The following PRKCZ variants were observed in gnomAD, a reference collection of about 807,000 sequenced individuals.
The protein encoded by PRKCZ is protein kinase C zeta type.
Under a neutral mutation model 79.5 loss-of-function variants are expected in PRKCZ, and 33 were observed. That is an observed-to-expected ratio of 0.41 (90% confidence interval 0.31 to 0.55). PRKCZ has a LOEUF of 0.55. PRKCZ is among the 20% of genes least tolerant of loss of function. The pLI, the probability that PRKCZ is intolerant of heterozygous loss-of-function variation, is 0.19. For synonymous variants in PRKCZ, 342 were observed against 320.9 expected (o/e 1.07, Z -0.70); for missense variants, 578 against 813.5 (o/e 0.71, Z 3.52).
At position 2,172,272 on chromosome 1, in the gene PRKCZ, AC is replaced by A; in HGVS notation, c.1198-26del. 1.9e-6 allele frequency: 3 copies of A among 1,613,262 alleles called. No individual in the cohort carries two copies. The highest frequency in any genetic ancestry group is 2.5e-6 in the Non-Finnish European group (3 of 1,179,930). ...GTCCCGCGGGGTAGTGTCTACAAGA[AC>A]CCTCTCCCAGTAACTTTGCCCCCAC... On this transcript the variant is annotated intron_variant, in intron 12 of 17. Coordinates refer to ENST00000378567, the MANE Select transcript of PRKCZ (RefSeq NM_002744.6). The surrounding 1 kb of genome is among the most constrained non-coding windows in gnomAD (Gnocchi z 7.8).
At chr1:2,153,824 C>T (rs747039778) in intron 9 of PRKCZ, among the ~76,000 whole-genome samples, 2 of 152,210 alleles carry the variant, frequency 1.3e-5, no homozygotes, top group Non-Finnish European at 2.9e-5. Flanking sequence ...CTGGGGTTGT[C>T]TTTCGAGAAG....
chr1:2,052,066 G>T (rs1261184286), intron 1 of PRKCZ, among the ~76,000 whole-genome samples: 1 of 152,176 alleles, frequency 6.6e-6, no homozygotes, highest in Non-Finnish European at 1.5e-5. Context: ...TATTGGACTT[G>T]TCCAGGGACC....
intron 4 of PRKCZ, among the ~76,000 whole-genome samples, chr1:2,108,207 C>T (rs1425381698): frequency 2.6e-5 from 4 of 152,230 alleles, no homozygotes; most frequent in Admixed American, 1.3e-4. Flanking sequence ...TCCTTCTGGG[C>T]GCTGGTCCAA....
At chr1:2,089,775 C>T (rs981576390) in intron 4 of PRKCZ, among the ~76,000 whole-genome samples, 5 of 152,118 alleles carry the variant, frequency 3.3e-5, no homozygotes, top group African/African-American at 1.2e-4. Flanking sequence ...GCGGCTCACA[C>T]GGCAGAACTC....
At chr1:2,099,781 G>A (rs1182270743) in intron 4 of PRKCZ, among the ~76,000 whole-genome samples, 2 of 152,334 alleles carry the variant, frequency 1.3e-5, no homozygotes, top group South Asian at 4.1e-4. Flanking sequence ...GTGAGGCCTG[G>A]GTGTGACCTA....
intron 4 of PRKCZ, among the ~76,000 whole-genome samples, chr1:2,079,790 T>C (rs1663135959): frequency 6.6e-6 from 1 of 152,102 alleles, no homozygotes; most frequent in Non-Finnish European, 1.5e-5. Context: ...CCTTTGCGGC[T>C]TCCTGGGCCC....
chr1:2,090,704 C>T (rs1665344839), intron 4 of PRKCZ, among the ~76,000 whole-genome samples: 1 of 152,170 alleles, frequency 6.6e-6, no homozygotes, highest in Non-Finnish European at 1.5e-5. Flanking sequence ...TGGCACCTGG[C>T]GTGGGCGCCC....
At chr1:2,051,823 G>C (rs1211846685) in intron 1 of PRKCZ, among the ~76,000 whole-genome samples, 1 of 152,194 alleles carries the variant, frequency 6.6e-6, no homozygotes, top group Non-Finnish European at 1.5e-5. Context: ...CTTGGCCCCG[G>C]GTTTGTTGAG....
rs1017481197 is a variant in PRKCZ at position 2,140,498 on chromosome 1, C to A, written c.421-3712C>A. Among the ~76,000 whole-genome samples the A allele has an allele frequency of 2.6e-5, 4 of 151,088 alleles. No homozygotes were observed. The East Asian group carries it at 7.8e-4, about 30-fold the overall frequency. ...TGAAACACTGTCTCTACTAAAAATA[C>A]AACAAAAATTTAGCCAGGCGTGGTG... On this transcript the variant is annotated intron_variant, in intron 5 of 17. Transcript: ENST00000378567.
chr1:2,120,115 C>A (rs1340268589), intron 4 of PRKCZ, among the ~76,000 whole-genome samples: 1 of 152,052 alleles, frequency 6.6e-6, no homozygotes, highest in African/African-American at 2.4e-5. Context: ...CTCACTGCCA[C>A]CCCTGGAAGG....
chr1:2,142,917 C>CTG (rs1360659144), intron 5 of PRKCZ: 1 of 152,436 alleles, frequency 6.6e-6, no homozygotes, highest in Non-Finnish European at 1.5e-5. Flanking sequence ...CCCACATGTG[C>CTG]TGAGGGTCCC....
chr1:2,069,331 G>A (rs1033195828), intron 4 of PRKCZ, among the ~76,000 whole-genome samples: 6 of 152,220 alleles, frequency 3.9e-5, no homozygotes, highest in Non-Finnish European at 8.8e-5. Context: ...ACCCCCGTGA[G>A]TGGAGGCTGC....
intron 4 of PRKCZ, chr1:2,074,154 G>A: frequency 6.5e-7 from 1 of 1,546,622 alleles, no homozygotes; most frequent in South Asian, 1.2e-5. Flanking sequence ...CAATGTCAGG[G>A]GAAACGCAGT....
intron 16 of PRKCZ, among the ~76,000 whole-genome samples, chr1:2,176,518 G>A (rs1354387693): frequency 6.6e-6 from 1 of 152,246 alleles, no homozygotes; most frequent in Non-Finnish European, 1.5e-5. Context: ...GTTTCCAGCT[G>A]TGTAAATGGT....
chr1:2,058,983 T>G (rs896013901), intron 3 of PRKCZ, among the ~76,000 whole-genome samples: 9 of 151,928 alleles, frequency 5.9e-5, no homozygotes, highest in Non-Finnish European at 8.8e-5. Context: ...AAAGTAGAGA[T>G]GGGGTTTCGT....
intron 4 of PRKCZ, among the ~76,000 whole-genome samples, chr1:2,067,675 C>T (rs1290797585): frequency 6.6e-6 from 1 of 152,114 alleles, no homozygotes; most frequent in Non-Finnish European, 1.5e-5. Context: ...TGCCTCGGGC[C>T]CCTCTCCCGC....
intron 4 of PRKCZ, among the ~76,000 whole-genome samples, chr1:2,089,565 G>A (rs1665125647): frequency 6.6e-6 from 1 of 152,144 alleles, no homozygotes; most frequent in South Asian, 2.1e-4. Flanking sequence ...TCTTCTTCAC[G>A]TGATAAAGGG....
chr1:2,174,910 G>T lies in PRKCZ; in HGVS notation c.1485+77G>T. 6.8e-7 allele frequency: 1 copy of T among 1,474,770 alleles called. No homozygotes were observed. Among genetic ancestry groups the T allele is most frequent in the South Asian group, 1.1e-5 (1 of 87,382 alleles). The allele number at this position is 1,474,770 out of a possible 1,614,324, so 91.4% of individuals were successfully genotyped here. ...GGGCAGAGGGCCAGGCACGGCTGTT[G>T]GCCATTTTTTCATGTCGGCTGCTGT... On this transcript the variant is annotated intron_variant, in intron 15 of 17. Coordinates refer to ENST00000378567, the MANE Select transcript of PRKCZ (RefSeq NM_002744.6). The surrounding 1 kb of genome is among the most constrained non-coding windows in gnomAD (Gnocchi z 6.2).
chr1:2,105,547 C>CA (rs1668242685), intron 4 of PRKCZ, among the ~76,000 whole-genome samples: 1 of 152,142 alleles, frequency 6.6e-6, no homozygotes, highest in Non-Finnish European at 1.5e-5. Flanking sequence ...TTACAGGCAC[C>CA]TGCCACCATG....
Sources: allele counts gnomAD v4.1 joint callset (sites outside exome capture counted in the v4.1 genomes callset), GRCh38; gene constraint gnomAD v4.1.1; non-coding constraint Gnocchi (gnomAD v3.1); transcripts MANE v1.5; gene names NCBI Gene and HGNC (gene_info 2026-07-23, HGNC 2026-07-21).